ANO6: variants seen among roughly 807,000 people sequenced by gnomAD.
ANO6 encodes anoctamin-6.
ANO6 carries 106 observed loss-of-function variants against 117.5 expected under a neutral mutation model. The observed-to-expected ratio is 0.90, with a 90% CI of 0.77 to 1.06. The LOEUF (loss-of-function observed/expected upper bound fraction) is 1.06. ANO6 is among the 50% of genes least tolerant of loss of function. The pLI, the probability that ANO6 is intolerant of heterozygous loss-of-function variation, is 0.00. For synonymous variants in ANO6, 367 were observed against 385.1 expected, an observed-to-expected ratio of 0.95 and a Z score of 0.55; for missense variants, 955 against 1,121.1, an observed-to-expected ratio of 0.85 and a Z score of 2.12.
chr12:45,255,817 T>TG (rs1937795956), intron 1 of ANO6, among the ~76,000 whole-genome samples: 1 of 98,090 alleles, frequency 1.0e-5, no homozygotes, highest in African/African-American at 3.8e-5. Context: ...TCTCCCTGGG[T>TG]GTTTTTTTTT....
intron 8 of ANO6, among the ~76,000 whole-genome samples, chr12:45,362,499 C>T (rs1941581206): frequency 6.6e-6 from 1 of 151,752 alleles, no homozygotes; most frequent in African/African-American, 2.4e-5. Context: ...CACTTGTTGC[C>T]TTTTGATTTT....
intron 1 of ANO6, among the ~76,000 whole-genome samples, chr12:45,279,310 A>G (rs912904459): frequency 3.3e-5 from 5 of 152,102 alleles, no homozygotes; most frequent in African/African-American, 9.7e-5. Context: ...AGGCTTTCCT[A>G]TTTTAGTATT....
At chr12:45,347,956 GA>G (rs1365059089) in intron 4 of ANO6, 71 bp from the exon 5 acceptor site, 2 of 1,470,934 alleles carry the variant, frequency 1.4e-6, no homozygotes, top group Middle Eastern at 1.8e-4. Context: ...AACAACATAA[GA>G]AAAATCTATG....
At chr12:45,236,458 A>G (rs1218225569) in intron 1 of ANO6, among the ~76,000 whole-genome samples, 2 of 152,104 alleles carry the variant, frequency 1.3e-5, no homozygotes, top group African/African-American at 4.8e-5. Context: ...TTCAATTCCC[A>G]ACTATAAATG....
chr12:45,310,798 G>T (rs1237636093), intron 2 of ANO6, among the ~76,000 whole-genome samples: 2 of 151,996 alleles, frequency 1.3e-5, no homozygotes, highest in Non-Finnish European at 2.9e-5. Flanking sequence ...GAATCTAGTG[G>T]GGCAAATGTG....
At chr12:45,361,320 A>AT (rs1203773223) in intron 8 of ANO6, among the ~76,000 whole-genome samples, 1 of 152,036 alleles carries the variant, frequency 6.6e-6, no homozygotes, top group African/African-American at 2.4e-5. Context: ...TGTTTCGTTA[A>AT]TTTAACTTTT....
chr12:45,317,113 G>GTGTATATA, intron 2 of ANO6, among the ~76,000 whole-genome samples: 1 of 66,448 alleles, frequency 1.5e-5, no homozygotes, highest in African/African-American at 4.1e-5. Context: ...CTTTTTATAT[G>GTGTATATA]TATATATATA....
At chr12:45,242,074 C>T (rs1328947058) in intron 1 of ANO6, among the ~76,000 whole-genome samples, 1 of 152,208 alleles carries the variant, frequency 6.6e-6, no homozygotes, top group African/African-American at 2.4e-5. Flanking sequence ...GCTCAGACAC[C>T]ATGCTGGGAG....
chr12:45,422,988 C>T lies in ANO6; in HGVS notation c.2452C>T (p.Pro818Ser), dbSNP rs753085005. 6 of 1,613,892 alleles carry T rather than the reference C, an allele frequency of 3.7e-6. No homozygotes were observed. The South Asian group carries it at 4.4e-5, about 12-fold the overall frequency. ...YRDFRYPPGH[P>S]QEYKHNIYYW... ...TGATTTCCGATACCCACCTGGACAC[C>T]CCCAGGAGTATAAACACAACATCTA... is the stretch of plus-strand genomic sequence containing the variant. Residue 818 changes from proline to serine, a missense_variant, in exon 19 of 20, where the codon CCC (proline) becomes TCC (serine). By Grantham distance (74) the Pro-to-Ser change is moderately conservative. Coordinates refer to ENST00000320560, the MANE Select transcript of ANO6 (RefSeq NM_001025356.3).
chr12:45,403,294 G>A lies in ANO6; in HGVS notation c.1782+53G>A, dbSNP rs571601487. On this transcript the variant is annotated intron_variant, in intron 14 of 19. Coordinates refer to ENST00000320560, the MANE Select transcript of ANO6 (RefSeq NM_001025356.3). The stretch of plus-strand genomic sequence containing the variant: ...CCAGTTTAAGCTGAGTTTTCTCTCA[G>A]TTGCCCAAATGAATAGTTTTTTATT... The A allele has an allele frequency of 2.1e-4, 333 of 1,586,820 alleles. 1 individual carries two copies. In the Middle Eastern group the frequency reaches 2.5e-3, roughly 12 times the overall value.
At chr12:45,251,632 C>G (rs1947901894) in intron 1 of ANO6, among the ~76,000 whole-genome samples, 1 of 152,184 alleles carries the variant, frequency 6.6e-6, no homozygotes, top group African/African-American at 2.4e-5. Context: ...TCTTCAAAGA[C>G]TTAGCCTTCC....
chr12:45,265,719 A>G (rs886335986), intron 1 of ANO6, among the ~76,000 whole-genome samples: 1 of 152,180 alleles, frequency 6.6e-6, no homozygotes, highest in African/African-American at 2.4e-5. Context: ...TCTCCTTCAG[A>G]AACACCTTCG....
chr12:45,376,604 A>G (rs1445816360), intron 9 of ANO6, among the ~76,000 whole-genome samples: 4 of 149,080 alleles, frequency 2.7e-5, no homozygotes, highest in Non-Finnish European at 5.9e-5. Flanking sequence ...TCGCAAGAAC[A>G]AAAAACCAAA....
intron 12 of ANO6, among the ~76,000 whole-genome samples, chr12:45,396,647 A>G (rs886206260): frequency 3.3e-5 from 5 of 152,222 alleles, no homozygotes; most frequent in African/African-American, 7.2e-5. Context: ...ATATAGACCA[A>G]TGGAACAGAA....
chr12:45,348,067 C>G lies in ANO6; in HGVS notation c.385C>G (p.Pro129Ala). The G allele has an allele frequency of 6.2e-7, 1 of 1,613,980 alleles. No homozygotes were observed. The highest frequency in any genetic ancestry group is 2.2e-5 in the East Asian group (1 of 44,886). Residue 129 changes from proline (P) to alanine (A), a missense_variant, in exon 5 of 20, where the codon CCA (proline) becomes GCA (alanine). By Grantham distance (27) the Pro-to-Ala change is conservative (BLOSUM62 -1). Transcript: ENST00000320560. ...GCTTGTATTTGTAAAAGTACACGCACCATGGGAGGTGTTATGTACGTATGC... is the reference window on the plus strand; with the variant it reads ...GCTTGTATTTGTAAAAGTACACGCAGCATGGGAGGTGTTATGTACGTATGC... ...DKLVFVKVHA[P>A]WEVLCTYAEI...
intron 10 of ANO6, chr12:45,383,064 A>G (rs772001635): frequency 4.4e-5 from 7 of 157,778 alleles, no homozygotes; most frequent in African/African-American, 9.6e-5. Context: ...ATTGGAGTCA[A>G]TCCTCTCAAA....
intron 10 of ANO6, among the ~76,000 whole-genome samples, chr12:45,383,893 CAA>C (rs1402026097): frequency 6.6e-6 from 1 of 152,210 alleles, no homozygotes; most frequent in Non-Finnish European, 1.5e-5. Context: ...TAGCCCCTAA[CAA>C]GAGAGTGAGC....
intron 1 of ANO6, chr12:45,270,533 C>G: frequency 9.8e-7 from 1 of 1,018,802 alleles, no homozygotes; most frequent in Non-Finnish European, 1.4e-6. Context: ...GGGTAAGATC[C>G]CCTTCCTTTG....
chr12:45,416,822 G>T lies in ANO6; in HGVS notation c.2135G>T (p.Arg712Leu), dbSNP rs759886231. The T allele has an allele frequency of 1.2e-6, 2 of 1,614,116 alleles. No individual in the cohort carries two copies. The highest frequency in any genetic ancestry group is 4.5e-5 in the East Asian group (2 of 44,872). ...TGGAAACTGACCACCCAGTTTAGAC[G>T]CCTGGTACCAGAGAAAGCCCAAGAC... ...DAWKLTTQFR[R>L]LVPEKAQDIG... Residue 712 changes from arginine to leucine, a missense_variant, in exon 17 of 20, where the codon CGC becomes CTC. Transcript: ENST00000320560.
Sources: allele counts gnomAD v4.1 joint callset (sites outside exome capture counted in the v4.1 genomes callset), GRCh38; gene constraint gnomAD v4.1.1; transcripts MANE v1.5; gene names NCBI Gene and HGNC (gene_info 2026-07-23, HGNC 2026-07-21).